The following TFDP1 variants were observed in gnomAD, a reference collection of about 807,000 sequenced individuals.
The protein encoded by TFDP1 is transcription factor Dp-1, also known as DRTF1-polypeptide 1.
In TFDP1, 6 loss-of-function variants were observed where a neutral mutation model predicts 48.0. The observed-to-expected ratio is 0.13, with a 90% CI of 0.07 to 0.25. The LOEUF is 0.25. Among genes scored for constraint, TFDP1 ranks in the 10% least tolerant of loss-of-function variants. The probability of loss-of-function intolerance (pLI) is 1.00; values close to 1 mark genes in which losing one functional copy is unlikely to be tolerated. For missense variants in TFDP1, 335 were observed against 543.0 expected (o/e 0.62, Z 3.81); for synonymous variants, 201 against 211.6 (o/e 0.95, Z 0.44).
At chr13:113,588,857 G>A (rs1224770592) in intron 2 of TFDP1, among the ~76,000 whole-genome samples, 2 of 151,590 alleles carry the variant, frequency 1.3e-5, no homozygotes, top group African/African-American at 2.4e-5. Flanking sequence ...GTAGGACTGG[G>A]GGAGAGAGAG....
intron 3 of TFDP1, among the ~76,000 whole-genome samples, chr13:113,617,535 C>T (rs1027370457): frequency 2.6e-5 from 4 of 151,582 alleles, no homozygotes; most frequent in African/African-American, 4.9e-5. Flanking sequence ...GAACCATTCA[C>T]CTGCAGAGCC....
At chr13:113,588,659 A>G (rs1239742285) in intron 2 of TFDP1, among the ~76,000 whole-genome samples, 1 of 152,196 alleles carries the variant, frequency 6.6e-6, no homozygotes, top group Non-Finnish European at 1.5e-5. Context: ...ATGACTGTGG[A>G]GCAGTGAGGA....
intron 4 of TFDP1, among the ~76,000 whole-genome samples, chr13:113,630,324 C>G (rs1415627735): frequency 1.3e-5 from 2 of 152,214 alleles, no homozygotes; most frequent in African/African-American, 4.8e-5. Flanking sequence ...TGATGAGTCT[C>G]TGATCATCGG....
At chr13:113,588,304 G>C (rs1379138960) in intron 2 of TFDP1, among the ~76,000 whole-genome samples, 1 of 152,264 alleles carries the variant, frequency 6.6e-6, no homozygotes, top group Non-Finnish European at 1.5e-5. Context: ...GCCATGAGGG[G>C]CCACAGGATG....
rs2049613567 is a variant in TFDP1 at position 113,640,357 on chromosome 13, T to G, written c.*90T>G. The stretch of plus-strand genomic sequence containing the variant: ...GTGGGTTTTCTGTTTCCTTTTGGCC[T>G]ACTCCCAAGAAGATATTGGTAAGCT... On this transcript the variant is annotated 3_prime_UTR_variant, in exon 12 of 12. Transcript: ENST00000375370. 1 of 1,519,700 alleles carries G rather than the reference T, an allele frequency of 6.6e-7. No individual in the cohort carries two copies. The highest frequency in any genetic ancestry group is 8.8e-7 in the Non-Finnish European group (1 of 1,140,494). The allele number at this position is 1,519,700 out of a possible 1,614,324, so 94.1% of individuals were successfully genotyped here. A position where few individuals can be genotyped will look rare whatever the true frequency, so the allele number is the denominator to read the frequency against.
At chr13:113,587,195 G>C (rs899546177) in intron 2 of TFDP1, among the ~76,000 whole-genome samples, 9 of 152,132 alleles carry the variant, frequency 5.9e-5, no homozygotes, top group Non-Finnish European at 1.5e-5. Context: ...GGCTGGGGGT[G>C]GGGGGCGTGT....
chr13:113,604,620 T>A (rs547451831), intron 2 of TFDP1, among the ~76,000 whole-genome samples: 6 of 140,202 alleles, frequency 4.3e-5, no homozygotes, highest in Non-Finnish European at 9.2e-5. Flanking sequence ...CGCATCCTGT[T>A]GACACGAGCA....
chr13:113,613,005 C>G (rs973845166), intron 3 of TFDP1, among the ~76,000 whole-genome samples: 1 of 132,716 alleles, frequency 7.5e-6, no homozygotes, highest in Non-Finnish European at 1.6e-5. Flanking sequence ...TTCCACCGCA[C>G]AGACGGTGGT....
chr13:113,618,244 G>A (rs1049303200), intron 3 of TFDP1, among the ~76,000 whole-genome samples: 6 of 152,186 alleles, frequency 3.9e-5, no homozygotes, highest in Admixed American at 2.6e-4. Flanking sequence ...ATGATTGGCT[G>A]GGCGTGGTGG....
chr13:113,614,891 T>C (rs2048818769), intron 3 of TFDP1, among the ~76,000 whole-genome samples: 1 of 152,066 alleles, frequency 6.6e-6, no homozygotes, highest in African/African-American at 2.4e-5. Context: ...AAGCCTTCAG[T>C]GGGTTAGACG....
At chr13:113,624,371 G>T (rs183213835) in intron 4 of TFDP1, among the ~76,000 whole-genome samples, 1 of 147,012 alleles carries the variant, frequency 6.8e-6, no homozygotes, top group Non-Finnish European at 1.5e-5. Context: ...GCATCCTCAC[G>T]TGTCCCCAGG....
chr13:113,640,357 T>C lies in TFDP1; in HGVS notation c.*90T>C, dbSNP rs2049613567. On this transcript the variant is annotated 3_prime_UTR_variant, in exon 12 of 12. Coordinates refer to ENST00000375370, the MANE Select transcript of TFDP1 (RefSeq NM_007111.5). ...GTGGGTTTTCTGTTTCCTTTTGGCC[T>C]ACTCCCAAGAAGATATTGGTAAGCT... is the stretch of plus-strand genomic sequence containing the variant. 2.0e-6 allele frequency: 3 copies of C among 1,519,582 alleles called. No individual in the cohort carries two copies. The African/African-American group carries it at 4.2e-5, about 21-fold the overall frequency. The allele number at this position is 1,519,582 out of a possible 1,614,324, so 94.1% of individuals were successfully genotyped here.
At chr13:113,634,231 A>G in intron 7 of TFDP1, 198 bp downstream of exon 7, 2 of 769,814 alleles carry the variant, frequency 2.6e-6, no homozygotes, top group Non-Finnish European at 2.2e-6. Context: ...CAGACCCACT[A>G]GAGTCTGTTA....
At chr13:113,606,863 T>C (rs1222368922) in intron 2 of TFDP1, among the ~76,000 whole-genome samples, 1 of 152,200 alleles carries the variant, frequency 6.6e-6, no homozygotes, top group Non-Finnish European at 1.5e-5. Flanking sequence ...AGATAGGCGC[T>C]TACAGGCAGC....
chr13:113,594,249 A>G (rs1372944602), intron 2 of TFDP1, among the ~76,000 whole-genome samples: 2 of 141,482 alleles, frequency 1.4e-5, no homozygotes, highest in Admixed American at 7.2e-5. Context: ...TGCCCAGGTG[A>G]CAGGTGTGGT....
In TFDP1 at chr13:113,635,900, G is replaced by T. The variant is rs553618257; in HGVS notation, c.688-77G>T. On this transcript the variant is annotated intron_variant, in intron 8 of 11. Transcript: ENST00000375370. ...TCGCTGTCACGTGGACGCAGGGAGGGCTGTGAGGACCCCTCGAGCACAGGG... is the reference window on the plus strand; with the variant it reads ...TCGCTGTCACGTGGACGCAGGGAGGTCTGTGAGGACCCCTCGAGCACAGGG... 5.3e-6 allele frequency: 8 copies of T among 1,512,216 alleles called. No individual in the cohort carries two copies. In the East Asian group the frequency reaches 6.8e-5, roughly 13 times the overall value. 93.7% of individuals were successfully genotyped at this position (1,512,216 alleles called of 1,614,324 possible). A position where few individuals can be genotyped will look rare whatever the true frequency, so the allele number is the denominator to read the frequency against.
In TFDP1 at chr13:113,598,424, G is replaced by A. The variant is rs2048335592; in HGVS notation, c.13-12572G>A. Among the ~76,000 whole-genome samples, 1 of 152,304 alleles carries A rather than the reference G, an allele frequency of 6.6e-6. No homozygotes were observed. The highest frequency in any genetic ancestry group is 3.4e-3 in the Middle Eastern group (1 of 294). On this transcript the variant is annotated intron_variant, in intron 2 of 11. Coordinates refer to ENST00000375370, the MANE Select transcript of TFDP1 (RefSeq NM_007111.5). The surrounding 1 kb of genome is among the most constrained non-coding windows in gnomAD (Gnocchi z 4.2). Reference sequence around the variant, plus strand: ...TAGATTAGAGCAGCCTCTCCTGGGAGAGGGATGCTGGGTGCCTGCCTTCCA... The same window carrying A: ...TAGATTAGAGCAGCCTCTCCTGGGAAAGGGATGCTGGGTGCCTGCCTTCCA...
At chr13:113,610,950 G>T (rs770642409) in intron 2 of TFDP1, 46 bp from the exon 3 acceptor site, 5 of 1,583,182 alleles carry the variant, frequency 3.2e-6, no homozygotes, top group South Asian at 2.2e-5. Context: ...TAGTTTCGTA[G>T]CCCTTTTAGC....
At chr13:113,596,779 C>G (rs1200186493) in intron 2 of TFDP1, among the ~76,000 whole-genome samples, 1 of 152,224 alleles carries the variant, frequency 6.6e-6, no homozygotes, top group African/African-American at 2.4e-5. Context: ...CGAGGTTGAT[C>G]TTGATGCCAG....
Sources: gnomAD v4.1 joint callset for allele counts (sites outside exome capture counted in the v4.1 genomes callset) on GRCh38, gnomAD v4.1.1 for gene constraint, Gnocchi (gnomAD v3.1) non-coding constraint, MANE v1.5 for transcripts, NCBI Gene and HGNC (gene_info 2026-07-23, HGNC 2026-07-21) for gene names.